Variants in HMBOX1 observed in about 807,000 individuals in gnomAD.
The protein encoded by HMBOX1 is homeobox containing 1, also known as homeobox-containing protein 1.
HMBOX1 carries 14 observed loss-of-function variants against 54.5 expected under a neutral mutation model. The observed-to-expected ratio is 0.26, with a 90% CI of 0.17 to 0.40. The LOEUF (loss-of-function observed/expected upper bound fraction) is 0.40, where lower values mean the gene tolerates loss of function less well. HMBOX1 is among the 10% of genes least tolerant of loss of function. The pLI is 1.00. For missense variants in HMBOX1, 332 were observed against 514.4 expected, an observed-to-expected ratio of 0.65 and a Z score of 3.43; for synonymous variants, 160 against 181.0, an observed-to-expected ratio of 0.88 and a Z score of 0.93.
intron 6 of HMBOX1, among the ~76,000 whole-genome samples, chr8:29,040,773 T>G (rs1804695897): frequency 6.6e-6 from 1 of 152,268 alleles, no homozygotes; most frequent in South Asian, 2.1e-4. Context: ...TGGAGAAAGT[T>G]ACTGATTTCC....
At chr8:28,966,901 A>G (rs1826528299) in intron 2 of HMBOX1, among the ~76,000 whole-genome samples, 1 of 152,236 alleles carries the variant, frequency 6.6e-6, no homozygotes, top group Non-Finnish European at 1.5e-5. Context: ...AAGGTGATAC[A>G]TAAAGGGAAA....
Position 28,960,753 on chromosome 8 carries a change from CTTTTTCTTTTTCTTTTTTTTTTTTT to C in HMBOX1, c.-57-3052_-57-3028del, listed in dbSNP as rs1381582982. Among the ~76,000 whole-genome samples, 174 of 65,600 alleles carry C rather than the reference CTTTTTCTTTTTCTTTTTTTTTTTTT, an allele frequency of 2.7e-3. 10 individuals are homozygous for C. The highest frequency in any genetic ancestry group is 0.01 in the African/African-American group (163 of 16,100). The allele number at this position is 65,600 out of a possible 152,430, so 43.0% of individuals were successfully genotyped here. On this transcript the variant is annotated intron_variant, in intron 1 of 9. Transcript: ENST00000287701. Reference sequence around the variant, plus strand: ...ATAATTGTAAACTTATTCTCTTTTTCTTTTTCTTTTTCTTTTTTTTTTTTTTTTTTTTTTTTTTTTTTTTTTTTTT... The same window carrying C: ...ATAATTGTAAACTTATTCTCTTTTTCTTTTTTTTTTTTTTTTTTTTTTTTT...
intron 1 of HMBOX1, among the ~76,000 whole-genome samples, chr8:28,927,877 C>T (rs1233978076): frequency 6.7e-6 from 1 of 149,826 alleles, no homozygotes; most frequent in Non-Finnish European, 1.5e-5. Flanking sequence ...TGGCTCACGC[C>T]TGTAATCCCA....
chr8:29,050,955 T>C, intron 9 of HMBOX1, 63 bp from the exon 10 acceptor site: 2 of 1,539,618 alleles, frequency 1.3e-6, no homozygotes, highest in South Asian at 1.2e-5. Flanking sequence ...CCCCAGCATG[T>C]CTCTCTGTGA....
chr8:28,945,867 C>T (rs1822342511), intron 1 of HMBOX1, among the ~76,000 whole-genome samples: 1 of 151,344 alleles, frequency 6.6e-6, no homozygotes, highest in African/African-American at 2.4e-5. Context: ...TACAATTTAC[C>T]CATTTAAAGT....
Position 29,052,086 on chromosome 8 carries a change from TC to T in HMBOX1, c.*934del, listed in dbSNP as rs1245652728. 1 of 154,660 alleles carries T rather than the reference TC, an allele frequency of 6.5e-6. No individual in the cohort carries two copies. The highest frequency in any genetic ancestry group is 1.4e-5 in the Non-Finnish European group (1 of 69,556). 9.6% of individuals were successfully genotyped at this position (154,660 alleles called of 1,614,324 possible). ...CTTTGCCTCCTGTCAGTGTCCCCTT[TC>T]CCTGCTACCAAAAAAGTCTTTCAAG... On this transcript the variant is annotated 3_prime_UTR_variant, in exon 10 of 10. Coordinates refer to ENST00000287701, the MANE Select transcript of HMBOX1 (RefSeq NM_001135726.3).
intron 4 of HMBOX1, among the ~76,000 whole-genome samples, chr8:28,996,990 GGT>G (rs146925936): frequency 6.6e-5 from 10 of 150,764 alleles, no homozygotes; most frequent in African/African-American, 1.2e-4. Flanking sequence ...GTTCTAATGG[GGT>G]GTGTGTGTGT....
intron 1 of HMBOX1, among the ~76,000 whole-genome samples, chr8:28,917,977 G>C (rs1291215453): frequency 6.6e-6 from 1 of 152,012 alleles, no homozygotes; most frequent in Non-Finnish European, 1.5e-5. Context: ...TAATCCTCTG[G>C]CTTTTGTACT....
At chr8:28,937,126 T>C (rs1335366752) in intron 1 of HMBOX1, among the ~76,000 whole-genome samples, 1 of 152,198 alleles carries the variant, frequency 6.6e-6, no homozygotes, top group Non-Finnish European at 1.5e-5. Flanking sequence ...GAGGTTGGCA[T>C]AGCTGGGATG....
chr8:28,988,802 C>G (rs1053769381), intron 4 of HMBOX1, among the ~76,000 whole-genome samples: 5 of 151,716 alleles, frequency 3.3e-5, no homozygotes, highest in Non-Finnish European at 7.4e-5. Flanking sequence ...ATTATAAGAG[C>G]TTTTTGTTTA....
intron 4 of HMBOX1, among the ~76,000 whole-genome samples, chr8:29,002,330 A>G (rs1397819829): frequency 6.6e-6 from 1 of 152,124 alleles, no homozygotes; most frequent in East Asian, 1.9e-4. Flanking sequence ...AGGGAAAGAG[A>G]GAAGGAGACG....
At chr8:28,962,788 A>G (rs1274891870) in intron 1 of HMBOX1, among the ~76,000 whole-genome samples, 1 of 151,550 alleles carries the variant, frequency 6.6e-6, no homozygotes, top group Non-Finnish European at 1.5e-5. Flanking sequence ...ACTCATATAA[A>G]CGTTGTATTT....
chr8:28,919,971 T>G (rs1286758854), intron 1 of HMBOX1, among the ~76,000 whole-genome samples: 1 of 148,884 alleles, frequency 6.7e-6, no homozygotes, highest in African/African-American at 2.5e-5. Context: ...AAGTGAAGTT[T>G]TGTGTGTGTG....
At chr8:29,002,345 CAGA>C (rs1832785393) in intron 4 of HMBOX1, among the ~76,000 whole-genome samples, 1 of 152,092 alleles carries the variant, frequency 6.6e-6, no homozygotes, top group Admixed American at 6.5e-5. Flanking sequence ...GAGACGAAGG[CAGA>C]AGGTGTAATG....
intron 1 of HMBOX1, among the ~76,000 whole-genome samples, chr8:28,910,618 A>G (rs1815228184): frequency 6.6e-6 from 1 of 152,176 alleles, no homozygotes; most frequent in Non-Finnish European, 1.5e-5. Flanking sequence ...TTCCCTAATA[A>G]CTAATGATGT....
intron 7 of HMBOX1, among the ~76,000 whole-genome samples, chr8:29,046,606 G>C (rs1805594699): frequency 6.6e-6 from 1 of 152,198 alleles, no homozygotes. Flanking sequence ...AATATCCTCT[G>C]TCCTAAGACA....
At chr8:29,046,719 G>A (rs553928217) in intron 7 of HMBOX1, among the ~76,000 whole-genome samples, 8 of 152,314 alleles carry the variant, frequency 5.3e-5, no homozygotes, top group Admixed American at 1.3e-4. Flanking sequence ...GGTGGCTCAC[G>A]CTTGTAATCC....
intron 1 of HMBOX1, among the ~76,000 whole-genome samples, chr8:28,933,455 A>T (rs182011616): frequency 6.6e-6 from 1 of 152,334 alleles, no homozygotes; most frequent in African/African-American, 2.4e-5. Flanking sequence ...AGTTAAATAC[A>T]AGAACATTAA....
chr8:29,023,691 C>T (rs1249891996), intron 6 of HMBOX1, among the ~76,000 whole-genome samples: 2 of 152,042 alleles, frequency 1.3e-5, no homozygotes, highest in African/African-American at 4.8e-5. Context: ...TGTGATCCAC[C>T]GCTACAGCCC....
Sources: allele counts gnomAD v4.1 joint callset (sites outside exome capture counted in the v4.1 genomes callset), GRCh38; gene constraint gnomAD v4.1.1; transcripts MANE v1.5; gene names NCBI Gene and HGNC (gene_info 2026-07-23, HGNC 2026-07-21).